CHCHD6: variants seen among roughly 807,000 people sequenced by gnomAD.
CHCHD6 encodes coiled-coil-helix-coiled-coil-helix domain containing 6.
CHCHD6 carries 28 observed loss-of-function variants against 32.3 expected under a neutral mutation model. That is an observed-to-expected ratio of 0.87 (90% CI 0.64 to 1.19). CHCHD6 has a LOEUF of 1.19. Ranked by LOEUF, CHCHD6 falls within the 50% of genes most tolerant of loss-of-function variation. CHCHD6 has a pLI of 0.00. For synonymous variants in CHCHD6, 122 were observed against 117.5 expected, an observed-to-expected ratio of 1.04 and a Z score of -0.25; for missense variants, 333 against 307.0, an observed-to-expected ratio of 1.08 and a Z score of -0.63.
At chr3:126,865,083 T>G (rs1340447331) in intron 5 of CHCHD6, among the ~76,000 whole-genome samples, 1 of 117,750 alleles carries the variant, frequency 8.5e-6, no homozygotes, top group Non-Finnish European at 1.6e-5. Flanking sequence ...CACCTCCACT[T>G]CTTCCTCCTC....
At chr3:126,806,405 C>G (rs1939382808) in intron 4 of CHCHD6, among the ~76,000 whole-genome samples, 1 of 151,866 alleles carries the variant, frequency 6.6e-6, no homozygotes, top group South Asian at 2.1e-4. Flanking sequence ...ACAGACACTT[C>G]TCAAAAGAAG....
At chr3:126,829,540 A>G (rs779611853) in intron 4 of CHCHD6, among the ~76,000 whole-genome samples, 1 of 151,912 alleles carries the variant, frequency 6.6e-6, no homozygotes, top group Non-Finnish European at 1.5e-5. Flanking sequence ...GTCCTGACAA[A>G]ATTCGTATGT....
chr3:126,710,087 A>G (rs531139591), intron 1 of CHCHD6, among the ~76,000 whole-genome samples: 1 of 152,322 alleles, frequency 6.6e-6, no homozygotes, highest in East Asian at 1.9e-4. Flanking sequence ...AACTTTATTT[A>G]CAAAATCAAT....
At chr3:126,766,079 G>A (rs532338168) in intron 4 of CHCHD6, among the ~76,000 whole-genome samples, 1 of 152,146 alleles carries the variant, frequency 6.6e-6, no homozygotes, top group African/African-American at 2.4e-5. Context: ...GATCATGATG[G>A]TAATCATAAC....
intron 4 of CHCHD6, among the ~76,000 whole-genome samples, chr3:126,756,613 T>C (rs931662189): frequency 1.3e-5 from 2 of 152,214 alleles, no homozygotes; most frequent in Non-Finnish European, 2.9e-5. Context: ...GAGCAAATTA[T>C]AAACACTCTG....
chr3:126,918,234 A>G (rs1420162427), intron 6 of CHCHD6, among the ~76,000 whole-genome samples: 1 of 152,270 alleles, frequency 6.6e-6, no homozygotes, highest in Non-Finnish European at 1.5e-5. Flanking sequence ...ATAGAAATAA[A>G]TGCCAACTGC....
At chr3:126,940,861 A>G (rs965714528) in intron 6 of CHCHD6, among the ~76,000 whole-genome samples, 1 of 152,062 alleles carries the variant, frequency 6.6e-6, no homozygotes, top group African/African-American at 2.4e-5. Context: ...TTCTTTTTTT[A>G]TGAGTTGTTT....
chr3:126,740,595 CAT>C (rs1936250254), intron 4 of CHCHD6, among the ~76,000 whole-genome samples: 1 of 152,168 alleles, frequency 6.6e-6, no homozygotes. Flanking sequence ...CTAATCCTTC[CAT>C]AGAATATGCA....
At chr3:126,820,349 A>G (rs997381377) in intron 4 of CHCHD6, among the ~76,000 whole-genome samples, 1 of 152,206 alleles carries the variant, frequency 6.6e-6, no homozygotes, top group Admixed American at 6.5e-5. Flanking sequence ...GACCATTTCT[A>G]GAATCACATA....
At chr3:126,956,854 C>A (rs1193701634) in intron 6 of CHCHD6, among the ~76,000 whole-genome samples, 2 of 152,108 alleles carry the variant, frequency 1.3e-5, no homozygotes, top group African/African-American at 4.8e-5. Context: ...TTTTTCATTT[C>A]TTTAGACATT....
At chr3:126,787,785 A>T (rs1397388735) in intron 4 of CHCHD6, among the ~76,000 whole-genome samples, 1 of 152,170 alleles carries the variant, frequency 6.6e-6, no homozygotes, top group East Asian at 1.9e-4. Context: ...GGACAGTTTG[A>T]CTTCCTCTTT....
chr3:126,745,668 T>A (rs1007785100), intron 4 of CHCHD6, among the ~76,000 whole-genome samples: 1 of 152,192 alleles, frequency 6.6e-6, no homozygotes, highest in Admixed American at 6.5e-5. Context: ...TCCACCTGGG[T>A]TGGCTTCAGG....
Position 126,826,004 on chromosome 3 carries a change from G to T in CHCHD6, c.412-26643G>T, listed in dbSNP as rs116028991. ...TTTTGTAGTGTTCTATCATCCCACA[G>T]GATGTCTCCTTTCATAATTCTAGAT... On this transcript the variant is annotated intron_variant, in intron 4 of 7. Coordinates refer to ENST00000290913, the MANE Select transcript of CHCHD6 (RefSeq NM_032343.3). Among the ~76,000 whole-genome samples, 1,464 of 152,246 alleles carry T rather than the reference G, an allele frequency of 9.6e-3. 6 individuals are homozygous for T. The highest frequency in any genetic ancestry group is 0.017 in the Non-Finnish European group (1,162 of 68,006).
intron 6 of CHCHD6, among the ~76,000 whole-genome samples, chr3:126,953,410 C>G (rs1385146542): frequency 1.3e-5 from 2 of 152,186 alleles, no homozygotes; most frequent in Admixed American, 6.5e-5. Context: ...TAAGGTCCCA[C>G]CCTCCAAGCC....
chr3:126,911,375 G>A (rs1343126185), intron 5 of CHCHD6, among the ~76,000 whole-genome samples: 2 of 152,206 alleles, frequency 1.3e-5, no homozygotes, highest in African/African-American at 2.4e-5. Context: ...AGGAGATGGA[G>A]TCTGGGTCCA....
At chr3:126,718,001 C>T (rs576777454) in intron 1 of CHCHD6, among the ~76,000 whole-genome samples, 117 of 152,246 alleles carry the variant, frequency 7.7e-4, no homozygotes, top group African/African-American at 2.5e-3. Context: ...GCCAGGGTAG[C>T]GGCAGGGAAG....
At chr3:126,727,659 C>T (rs950773055) in intron 2 of CHCHD6, among the ~76,000 whole-genome samples, 2 of 152,200 alleles carry the variant, frequency 1.3e-5, no homozygotes, top group Non-Finnish European at 2.9e-5. Flanking sequence ...TGTCCTGGCC[C>T]TTGGAATGGT....
At chr3:126,848,124 C>T (rs952238367) in intron 4 of CHCHD6, among the ~76,000 whole-genome samples, 2 of 152,186 alleles carry the variant, frequency 1.3e-5, no homozygotes, top group Non-Finnish European at 2.9e-5. Context: ...GCATGTGCCA[C>T]CATAGCCAAC....
chr3:126,854,301 G>A (rs951686133), intron 5 of CHCHD6, among the ~76,000 whole-genome samples: 2 of 152,098 alleles, frequency 1.3e-5, no homozygotes, highest in East Asian at 3.9e-4. Flanking sequence ...CCAGAAGGAG[G>A]TGCAAAAGCA....
Sources: allele counts gnomAD v4.1 joint callset (sites outside exome capture counted in the v4.1 genomes callset), GRCh38; gene constraint gnomAD v4.1.1; transcripts MANE v1.5; gene names NCBI Gene and HGNC (gene_info 2026-07-23, HGNC 2026-07-21).